The following ZNF385D variants were observed in gnomAD, a reference collection of about 807,000 sequenced individuals.
ZNF385D encodes the protein zinc finger protein 659.
A neutral mutation model predicts 35.8 loss-of-function variants in ZNF385D; 15 were observed. The ratio of observed to expected loss-of-function variants is 0.42; its 90% confidence interval spans 0.28 to 0.64. The LOEUF is 0.64. Among genes scored for constraint, ZNF385D ranks in the 30% least tolerant of loss-of-function variants. The pLI, the probability that ZNF385D is intolerant of heterozygous loss-of-function variation, is 0.23. For missense variants in ZNF385D, 474 were observed against 494.6 expected (o/e 0.96, Z 0.39); for synonymous variants, 212 against 186.8 (o/e 1.13, Z -1.10).
chr3:21,837,709 T>C (rs1298029912), intron 3 of ZNF385D, among the ~76,000 whole-genome samples: 3 of 151,840 alleles, frequency 2.0e-5, no homozygotes, highest in Admixed American at 2.0e-4. Context: ...TCGTCTCTAC[T>C]AAAAATATAA....
intron 2 of ZNF385D, among the ~76,000 whole-genome samples, chr3:21,663,890 AATATATATATATAT>A (rs66691637): frequency 6.4e-4 from 41 of 64,424 alleles, no homozygotes; most frequent in Middle Eastern, 9.3e-3. Context: ...TTGTGGGCCG[AATATATATATATAT>A]ATATATATAT....
chr3:22,089,719 A>G (rs1427654393), intron 3 of ZNF385D, among the ~76,000 whole-genome samples: 1 of 152,204 alleles, frequency 6.6e-6, no homozygotes, highest in African/African-American at 2.4e-5. Context: ...TGAGCATGCT[A>G]TCTCAGCCCA....
intron 1 of ZNF385D, among the ~76,000 whole-genome samples, chr3:21,674,177 A>G (rs2066655425): frequency 6.6e-6 from 1 of 152,118 alleles, no homozygotes; most frequent in African/African-American, 2.4e-5. Context: ...AGGATCAAGT[A>G]AGATGGTAAT....
chr3:21,979,200 T>C (rs561626759), intron 3 of ZNF385D, among the ~76,000 whole-genome samples: 17 of 152,110 alleles, frequency 1.1e-4, no homozygotes, highest in Middle Eastern at 3.4e-3. Flanking sequence ...AAGGAGGATA[T>C]GGGGGACCAT....
At chr3:21,841,326 TAC>T (rs764323035) in intron 3 of ZNF385D, among the ~76,000 whole-genome samples, 4 of 152,070 alleles carry the variant, frequency 2.6e-5, no homozygotes, top group Non-Finnish European at 5.9e-5. Context: ...GTTTTTCTAC[TAC>T]AGTGTTGCTA....
chr3:22,030,754 C>T (rs1697951484), intron 3 of ZNF385D, among the ~76,000 whole-genome samples: 1 of 152,116 alleles, frequency 6.6e-6, no homozygotes, highest in South Asian at 2.1e-4. Flanking sequence ...TATGCCTTCC[C>T]AACATTCCTC....
intron 3 of ZNF385D, among the ~76,000 whole-genome samples, chr3:21,996,882 A>G (rs1695497977): frequency 6.6e-6 from 1 of 152,188 alleles, no homozygotes; most frequent in Admixed American, 6.5e-5. Context: ...TCTCTGCCCG[A>G]GTGATTAAGC....
chr3:21,947,040 G>C (rs190943005), intron 3 of ZNF385D, among the ~76,000 whole-genome samples: 1 of 152,030 alleles, frequency 6.6e-6, no homozygotes, highest in Admixed American at 6.5e-5. Flanking sequence ...GAAATGTCTT[G>C]TGAATCTATG....
In ZNF385D at chr3:22,201,486, A is replaced by G. The variant is rs555285943; in HGVS notation, c.107-32451T>C. On this transcript the variant is annotated intron_variant, in intron 2 of 5. Coordinates refer to the ZNF385D transcript ENST00000494108. ...TATACGTCGGAAATAATTGATGAGC[A>G]CTTGTTTAGAGAAATACATTTTCAT... 7.2e-5 allele frequency among the ~76,000 whole-genome samples: 11 copies of G among 152,238 alleles called. No homozygotes were observed. The South Asian group carries it at 1.9e-3, about 26-fold the overall frequency.
chr3:21,463,485 G>A (rs887628322), intron 4 of ZNF385D, among the ~76,000 whole-genome samples: 2 of 152,158 alleles, frequency 1.3e-5, no homozygotes, highest in African/African-American at 4.8e-5. Flanking sequence ...AGCCCCAGGT[G>A]GAGGCACACA....
At chr3:21,975,595 T>C (rs1703545101) in intron 3 of ZNF385D, among the ~76,000 whole-genome samples, 1 of 151,874 alleles carries the variant, frequency 6.6e-6, no homozygotes, top group Admixed American at 6.6e-5. Flanking sequence ...AGGGAATGGA[T>C]ACCCCATTTA....
chr3:21,675,233 G>A (rs17009258), intron 1 of ZNF385D, among the ~76,000 whole-genome samples: 31,085 of 151,792 alleles, frequency 0.2, 3,414 homozygotes, highest in East Asian at 0.29. Context: ...CTAAGTCCTA[G>A]GCTTTTTATT....
intron 3 of ZNF385D, among the ~76,000 whole-genome samples, chr3:21,553,422 T>G (rs1033009126): frequency 1.3e-5 from 2 of 152,214 alleles, no homozygotes; most frequent in Non-Finnish European, 2.9e-5. Context: ...ACTTTAATTT[T>G]AAAATATGCT....
chr3:21,791,349 T>C (rs1228382750), intron 3 of ZNF385D, among the ~76,000 whole-genome samples: 1 of 152,186 alleles, frequency 6.6e-6, no homozygotes, highest in African/African-American at 2.4e-5. Flanking sequence ...AAACATAAAA[T>C]ATGCAGTGGC....
rs543138588 is a variant in ZNF385D at position 21,932,166 on chromosome 3, C to CAAAAAAAAAAAAAAAAAAAAAAAAAAA, written c.325+236624_325+236650dup. Among the ~76,000 whole-genome samples the CAAAAAAAAAAAAAAAAAAAAAAAAAAA allele has an allele frequency of 7.2e-5, 4 of 55,314 alleles. 1 individual carries two copies. Among genetic ancestry groups the CAAAAAAAAAAAAAAAAAAAAAAAAAAA allele is most frequent in the Admixed American group, 2.9e-4 (1 of 3,436 alleles). The allele number at this position is 55,314 out of a possible 152,430, so 36.3% of individuals were successfully genotyped here. A position where few individuals can be genotyped will look rare whatever the true frequency, so the allele number is the denominator to read the frequency against. On this transcript the variant is annotated intron_variant, in intron 3 of 5. Transcript: ENST00000494108. Reference sequence around the variant, plus strand: ...TGGGCGAAAGAGCAAGACTCATTCTCAAAAAAAAAAAAAAAAAAAAAAAAA... The same window carrying CAAAAAAAAAAAAAAAAAAAAAAAAAAA: ...TGGGCGAAAGAGCAAGACTCATTCTCAAAAAAAAAAAAAAAAAAAAAAAAAAAAAAAAAAAAAAAAAAAAAAAAAAAA...
At position 21,923,112 on chromosome 3, in the gene ZNF385D, C is replaced by G. The variant is rs1700555769; in HGVS notation, c.325+245705G>C. On this transcript the variant is annotated intron_variant, in intron 3 of 5. Coordinates refer to the ZNF385D transcript ENST00000494108. Reference sequence around the variant, plus strand: ...GGTTTGTTACATATGTACACATGTGCCATGTTGGTGTGCTACACCCATTAA... The same window carrying G: ...GGTTTGTTACATATGTACACATGTGGCATGTTGGTGTGCTACACCCATTAA... 3.9e-5 allele frequency among the ~76,000 whole-genome samples: 6 copies of G among 152,074 alleles called. No homozygotes were observed. In the South Asian group the frequency reaches 1.2e-3, roughly 32 times the overall value.
At chr3:22,003,260 A>G (rs1215570054) in intron 3 of ZNF385D, among the ~76,000 whole-genome samples, 1 of 152,204 alleles carries the variant, frequency 6.6e-6, no homozygotes, top group Non-Finnish European at 1.5e-5. Context: ...ACAGAAATCA[A>G]TAGCTTTTCT....
intron 3 of ZNF385D, among the ~76,000 whole-genome samples, chr3:21,949,558 T>TTTCTTC (rs1701962816): frequency 1.9e-5 from 2 of 103,690 alleles, no homozygotes; most frequent in African/African-American, 7.0e-5. Flanking sequence ...TTCTTTCTTT[T>TTTCTTC]TTTTTTTTTT....
rs538345832 is a variant in ZNF385D at position 21,467,718 on chromosome 3, C to T, written c.440-30515G>A. On this transcript the variant is annotated intron_variant, in intron 4 of 7. Transcript: ENST00000281523. ...TGACCATGTGCGGTTCATTTGGGTG[C>T]CATATCTTTCAGGACCCAGAAATTC... 1.1e-4 allele frequency among the ~76,000 whole-genome samples: 16 copies of T among 152,254 alleles called. 1 individual carries two copies. In the South Asian group the frequency reaches 3.1e-3, roughly 30 times the overall value.
Sources: allele counts gnomAD v4.1 joint callset (sites outside exome capture counted in the v4.1 genomes callset), GRCh38; gene constraint gnomAD v4.1.1; transcripts MANE v1.5; gene names NCBI Gene and HGNC (gene_info 2026-07-23, HGNC 2026-07-21).